Variants in MZF1 observed in about 807,000 individuals in gnomAD.
MZF1 encodes the protein zinc finger and SCAN domain-containing protein 6.
A neutral mutation model predicts 28.6 loss-of-function variants in MZF1; 24 were observed. The ratio of observed to expected loss-of-function variants is 0.84; its 90% CI spans 0.61 to 1.18. The LOEUF (loss-of-function observed/expected upper bound fraction) is 1.18. Among genes scored for constraint, MZF1 ranks in the 50% most tolerant of loss-of-function variants. The probability of loss-of-function intolerance (pLI) is 0.00; values close to 1 mark genes in which losing one functional copy is unlikely to be tolerated. For synonymous variants in MZF1, 516 were observed against 432.5 expected, an observed-to-expected ratio of 1.19 and a Z score of -2.40; for missense variants, 1,166 against 1,026.4, an observed-to-expected ratio of 1.14 and a Z score of -1.86.
chr19:58,572,483 G>T, intron 1 of MZF1: 1 of 1,194,508 alleles, frequency 8.4e-7, no homozygotes. Context: ...CCGAGACTCT[G>T]ATTCCGCCCA....
Position 58,563,428 on chromosome 19 carries a change from G to A in MZF1, c.849C>T (p.Leu283=), listed in dbSNP as rs1261977105. The change falls in exon 6 of 6, where the codon CTC becomes CTT. Residue 283 remains leucine (L), a synonymous_variant. Transcript: ENST00000215057. The part of the protein sequence containing the change: ...VSPHLHVPWD[L]GMAGLSGQIQ... ...TCTGGCCAGAAAGGCCAGCCATGCC[G>A]AGGTCCCAGGGGACGTGGAGGTGAG... The A allele has an allele frequency of 7.5e-6, 12 of 1,590,996 alleles. No individual in the cohort carries two copies. Among genetic ancestry groups the A allele is most frequent in the Middle Eastern group, 3.3e-4 (2 of 6,038 alleles).
intron 1 of MZF1, chr19:58,571,645 G>T: frequency 3.8e-6 from 2 of 525,898 alleles, no homozygotes; most frequent in Middle Eastern, 1.0e-3. Flanking sequence ...TTGGGCCTGT[G>T]CAAAGTCTCT....
chr19:58,569,211 T>G, intron 5 of MZF1, 66 bp downstream of exon 5: 3 of 1,496,938 alleles, frequency 2.0e-6, no homozygotes, highest in East Asian at 2.4e-5. Flanking sequence ...GGGCCAGGAG[T>G]GGGGTCGGCA....
intron 3 of MZF1, chr19:58,570,082 G>A: frequency 2.3e-6 from 1 of 430,040 alleles, no homozygotes; most frequent in Non-Finnish European, 4.2e-6. Flanking sequence ...CATCTGTACT[G>A]GGAAACCCCA....
intron 5 of MZF1, among the ~76,000 whole-genome samples, chr19:58,565,722 C>T (rs1329273728): frequency 1.3e-5 from 2 of 149,606 alleles, no homozygotes; most frequent in African/African-American, 4.9e-5. Flanking sequence ...TTAGTAGAGA[C>T]GGGGTTTCGC....
At position 58,562,272 on chromosome 19, in the gene MZF1, T is replaced by C. The variant is rs572915012; in HGVS notation, c.2005A>G (p.Thr669Ala). ...GQSFRQHANLTQHRRIHTGER... is the reference protein window; with the variant it reads ...GQSFRQHANLAQHRRIHTGER... The stretch of plus-strand genomic sequence containing the variant: ...CCCGTGTGGATGCGCCGGTGCTGGG[T>C]GAGGTTGGCGTGCTGCCGAAAGCTC... Residue 669 changes from threonine to alanine, a missense_variant, in exon 6 of 6, where the codon ACC becomes GCC. Coordinates refer to ENST00000215057, the MANE Select transcript of MZF1 (RefSeq NM_198055.2). 5 of 1,603,114 alleles carry C rather than the reference T, an allele frequency of 3.1e-6. No homozygotes were observed. The highest frequency in any genetic ancestry group is 1.7e-4 in the Middle Eastern group (1 of 6,028).
chr19:58,565,383 C>T (rs1446109433), intron 5 of MZF1, among the ~76,000 whole-genome samples: 4 of 146,622 alleles, frequency 2.7e-5, no homozygotes, highest in Admixed American at 2.0e-4. Context: ...CGTGAGCCAC[C>T]GCACCTAGCC....
intron 3 of MZF1, 139 bp downstream of exon 3, chr19:58,570,205 G>C (rs1479297576): frequency 1.1e-6 from 1 of 919,054 alleles, no homozygotes; most frequent in Non-Finnish European, 1.6e-6. Flanking sequence ...TGACTGGGTA[G>C]AATGTGGGGG....
intron 5 of MZF1, among the ~76,000 whole-genome samples, chr19:58,565,586 G>A (rs999746189): frequency 6.6e-6 from 1 of 151,890 alleles, no homozygotes; most frequent in Non-Finnish European, 1.5e-5. Context: ...AGGCTGGAGT[G>A]TAGTGGCGCC....
intron 1 of MZF1, chr19:58,572,732 T>G (rs1194631631): frequency 3.6e-6 from 3 of 835,336 alleles, no homozygotes; most frequent in African/African-American, 1.8e-5. Context: ...GGGAGAGACT[T>G]GGGTCATAGC....
rs1029198993 is a variant in MZF1 at position 58,563,190 on chromosome 19, T to C, written c.1087A>G (p.Lys363Glu). 1.9e-6 allele frequency: 3 copies of C among 1,611,216 alleles called. No individual in the cohort carries two copies. The highest frequency in any genetic ancestry group is 2.5e-6 in the Non-Finnish European group (3 of 1,179,702). The change falls in exon 6 of 6, where the codon AAG becomes GAG. Residue 363 changes from lysine to glutamate, a missense_variant. Coordinates refer to ENST00000215057, the MANE Select transcript of MZF1 (RefSeq NM_198055.2). ...AGGTTGCTGCGTTGGCTGAACACCT[T>C]GCCACATACATCGCAACGGCCGCCC... ...VRGGRCDVCGKVFSQRSNLLR... is the reference protein window; with the variant it reads ...VRGGRCDVCGEVFSQRSNLLR...
In MZF1 at chr19:58,563,083, G is replaced by C. The variant is rs1409786573; in HGVS notation, c.1194C>G (p.His398Gln). 3 of 1,604,210 alleles carry C rather than the reference G, an allele frequency of 1.9e-6. No individual in the cohort carries two copies. Among genetic ancestry groups the C allele is most frequent in the Admixed American group, 1.7e-5 (1 of 59,938 alleles). Residue 398 changes from histidine to glutamine, a missense_variant, in exon 6 of 6, where the codon CAC (histidine) becomes CAG (glutamine). Coordinates refer to ENST00000215057, the MANE Select transcript of MZF1 (RefSeq NM_198055.2). ...TGTGCGTAAGCTGGTGGCGCAGCAGGTGCGAGCTGCGGCTGAAGCTGCGGC... is the reference window on the plus strand; with the variant it reads ...TGTGCGTAAGCTGGTGGCGCAGCAGCTGCGAGCTGCGGCTGAAGCTGCGGC... ...ECGRSFSRSS[H>Q]LLRHQLTHTE... is the part of the protein sequence containing the mutation.
intron 5 of MZF1, among the ~76,000 whole-genome samples, chr19:58,567,928 C>T (rs1000998235): frequency 3.3e-5 from 5 of 152,120 alleles, no homozygotes; most frequent in African/African-American, 9.7e-5. Context: ...TAAAAACACT[C>T]TTGGAAAGTA....
chr19:58,564,898 G>GTTTTTTTTTTTTTTTTT lies in MZF1; in HGVS notation c.773-1395_773-1394insAAAAAAAAAAAAAAAAA, dbSNP rs1600099960. On this transcript the variant is annotated intron_variant, in intron 5 of 5. Coordinates refer to ENST00000215057, the MANE Select transcript of MZF1 (RefSeq NM_198055.2). Reference sequence around the variant, plus strand: ...CAGGGTGGAGAATAAGCATCCATGTGTGTGTTTTTTTTTTTTTTTTTTTTT... The same window carrying GTTTTTTTTTTTTTTTTT: ...CAGGGTGGAGAATAAGCATCCATGTGTTTTTTTTTTTTTTTTTTGTGTTTTTTTTTTTTTTTTTTTTT... Among the ~76,000 whole-genome samples, 53 of 91,948 alleles carry GTTTTTTTTTTTTTTTTT rather than the reference G, an allele frequency of 5.8e-4. 14 individuals carry two copies. The highest frequency in any genetic ancestry group is 2.8e-3 in the African/African-American group (53 of 18,948). The allele number at this position is 91,948 out of a possible 152,430, so 60.3% of individuals were successfully genotyped here.
rs1251205312 is a variant in MZF1, at chr19:58,562,725, A to C, written c.1552T>G (p.Cys518Gly). The C allele has an allele frequency of 2.6e-6, 4 of 1,535,846 alleles. No homozygotes were observed. Among genetic ancestry groups the C allele is most frequent in the African/African-American group, 1.4e-5 (1 of 73,086 alleles). The change falls in exon 6 of 6, where the codon TGC becomes GGC. Residue 518 changes from cysteine to glycine, a missense_variant. Transcript: ENST00000215057. ...GAGCGGCGGCCGAAGCGCTCGCCGC[A>C]CTCGACGCAGCCAAAGGACTTGTCG... Reference protein sequence around the residue: ...TGDKSFGCVECGERFGRRSVL... With the variant: ...TGDKSFGCVEGGERFGRRSVL...
Position 58,566,401 on chromosome 19 carries a change from C to G in MZF1, c.772+2876G>C, listed in dbSNP as rs543937625. Among the ~76,000 whole-genome samples the G allele has an allele frequency of 3.5e-3, 524 of 148,388 alleles. 2 individuals are homozygous for G. Among genetic ancestry groups the G allele is most frequent in the African/African-American group, 0.012 (482 of 40,128 alleles). ...GGTGGAGGTTGCAGTGAGCCGAGAT[C>G]GCGCCATTGCACTCCAGCCTGGGCA... On this transcript the variant is annotated intron_variant, in intron 5 of 5. Coordinates refer to ENST00000215057, the MANE Select transcript of MZF1 (RefSeq NM_198055.2).
At chr19:58,567,826 TAA>T (rs1314723339) in intron 5 of MZF1, among the ~76,000 whole-genome samples, 3 of 152,128 alleles carry the variant, frequency 2.0e-5, no homozygotes, top group Non-Finnish European at 4.4e-5. Flanking sequence ...TGTTTTTTTT[TAA>T]AAAGTTACTG....
chr19:58,563,146 G>A lies in MZF1; in HGVS notation c.1131C>T (p.Ile377=). ...ACACGAATGGTCGCTCACCCGTGTG[G>A]ATCTTCTGGTGCCTCAGCAGGTTGC... is the stretch of plus-strand genomic sequence containing the variant. ...QRSNLLRHQK[I]HTGERPFVCS... The change falls in exon 6 of 6, where the codon ATC becomes ATT. Residue 377 remains isoleucine (I), a synonymous_variant. Coordinates refer to ENST00000215057, the MANE Select transcript of MZF1 (RefSeq NM_198055.2). 1 of 1,609,396 alleles carries A rather than the reference G, an allele frequency of 6.2e-7. No individual in the cohort carries two copies. Among genetic ancestry groups the A allele is most frequent in the Non-Finnish European group, 8.5e-7 (1 of 1,179,752 alleles).
chr19:58,569,549 C>T lies in MZF1; in HGVS notation c.618G>A (p.Glu206=), dbSNP rs766366126. The change falls in exon 4 of 6, where the codon GAG becomes GAA. Residue 206 remains glutamate, a synonymous_variant. Transcript: ENST00000215057. ...LESGPLAATQ[E]SVPTLLPEEA... ...CCTCAGGCAGGAGGGTGGGTACAGA[C>T]TCCTGGGTGGCAGCTAGAGGCCCAG... 6.2e-7 allele frequency: 1 copy of T among 1,608,752 alleles called. No individual in the cohort carries two copies. Among genetic ancestry groups the T allele is most frequent in the Non-Finnish European group, 8.5e-7 (1 of 1,176,452 alleles).
Sources: allele counts gnomAD v4.1 joint callset (sites outside exome capture counted in the v4.1 genomes callset), GRCh38; gene constraint gnomAD v4.1.1; transcripts MANE v1.5; gene names NCBI Gene and HGNC (gene_info 2026-07-23, HGNC 2026-07-21).